Variants in SLC37A3 observed in about 807,000 individuals in gnomAD.
SLC37A3 encodes the protein sugar phosphate exchanger 3.
In SLC37A3, 51 loss-of-function variants were observed where a neutral mutation model predicts 67.1. The observed-to-expected ratio is 0.76, with a 90% confidence interval of 0.61 to 0.96. The LOEUF (loss-of-function observed/expected upper bound fraction) is 0.96. Among genes scored for constraint, SLC37A3 ranks in the 40% least tolerant of loss-of-function variants. The probability of loss-of-function intolerance (pLI) is 0.00; values close to 1 mark genes in which losing one functional copy is unlikely to be tolerated. For synonymous variants in SLC37A3, 214 were observed against 231.4 expected (o/e 0.92, Z 0.68); for missense variants, 508 against 603.0 (o/e 0.84, Z 1.65).
In SLC37A3 at chr7:140,348,412, G is replaced by A. The variant is rs1309765894; in HGVS notation, c.1024+214C>T. 3 of 473,918 alleles carry A rather than the reference G, an allele frequency of 6.3e-6. No homozygotes were observed. In the East Asian group the frequency reaches 1.2e-4, roughly 19 times the overall value. 29.4% of individuals were successfully genotyped at this position (473,918 alleles called of 1,614,324 possible). A position where few individuals can be genotyped will look rare whatever the true frequency, so the allele number is the denominator to read the frequency against. On this transcript the variant is annotated intron_variant, in intron 10 of 14. Coordinates refer to ENST00000326232, the MANE Select transcript of SLC37A3 (RefSeq NM_207113.3). ...CCAATAAATCACAGCGCTGCCTTAG[G>A]CTAGGTCTTCCTTTCTATGGACCTC...
intron 3 of SLC37A3, among the ~76,000 whole-genome samples, chr7:140,379,020 C>A (rs936453196): frequency 2.0e-5 from 3 of 151,654 alleles, no homozygotes; most frequent in Non-Finnish European, 1.5e-5. Flanking sequence ...CTTCAAGGCA[C>A]GTAAGCAAGA....
rs1235266159 is a variant in SLC37A3 at position 140,380,321 on chromosome 7, G to T, written c.159C>A (p.Thr53=). The stretch of plus-strand genomic sequence containing the variant: ...CAACTGACGTGTTAAAAGCACTTGG[G>T]GTCCACTGCTCAGAGATACTGACTT... ...NVKVSISEQW[T]PSAFNTSVEL... is the part of the protein sequence containing the mutation. The change falls in exon 3 of 15, where the codon ACC becomes ACA. Residue 53 remains threonine (T), a synonymous_variant. Coordinates refer to ENST00000326232, the MANE Select transcript of SLC37A3 (RefSeq NM_207113.3). 1.2e-6 allele frequency: 2 copies of T among 1,613,324 alleles called. No homozygotes were observed. The highest frequency in any genetic ancestry group is 8.5e-7 in the Non-Finnish European group (1 of 1,179,442).
chr7:140,364,721 GA>G (rs926076600), intron 4 of SLC37A3, among the ~76,000 whole-genome samples: 12 of 147,038 alleles, frequency 8.2e-5, no homozygotes, highest in South Asian at 2.3e-4. Flanking sequence ...AAAATAGAAG[GA>G]AAAAAATATT....
At chr7:140,361,115 T>TA (rs1797250624) in intron 5 of SLC37A3, among the ~76,000 whole-genome samples, 1 of 151,636 alleles carries the variant, frequency 6.6e-6, no homozygotes, top group South Asian at 2.1e-4. Context: ...GACTGTGAGT[T>TA]AGACTATGGA....
At position 140,393,341 on chromosome 7, in the gene SLC37A3, G is replaced by A. The variant is rs186097497; in HGVS notation, c.-71+5075C>T. Reference sequence around the variant, plus strand: ...ACCTGCAGAGCTGAACACGTGCGCCGTCCTCACTGACATGAAGGAATCTTT... The same window carrying A: ...ACCTGCAGAGCTGAACACGTGCGCCATCCTCACTGACATGAAGGAATCTTT... On this transcript the variant is annotated intron_variant, in intron 1 of 14. Coordinates refer to ENST00000326232, the MANE Select transcript of SLC37A3 (RefSeq NM_207113.3). 8.6e-4 allele frequency among the ~76,000 whole-genome samples: 131 copies of A among 152,320 alleles called. 1 individual carries two copies. In the East Asian group the frequency reaches 0.015, roughly 18 times the overall value.
chr7:140,360,960 C>T (rs1797243132), intron 5 of SLC37A3, among the ~76,000 whole-genome samples: 1 of 151,916 alleles, frequency 6.6e-6, no homozygotes, highest in Admixed American at 6.6e-5. Flanking sequence ...CACTGCATAC[C>T]CACCCTAAGG....
In SLC37A3 at chr7:140,382,422, T is replaced by C. The variant is rs747464549; in HGVS notation, c.89+16A>G. On this transcript the variant is annotated intron_variant, in intron 2 of 14. Transcript: ENST00000326232. ...AAAGAAAAAAAGCAGGAGAGCAGCT[T>C]TGGCAACATGCTTACCTGAAGAAAG... 1.9e-6 allele frequency: 3 copies of C among 1,611,878 alleles called. No homozygotes were observed. The highest frequency in any genetic ancestry group is 3.3e-4 in the Middle Eastern group (2 of 6,052).
At chr7:140,372,850 G>A (rs1797876738) in intron 3 of SLC37A3, among the ~76,000 whole-genome samples, 1 of 150,916 alleles carries the variant, frequency 6.6e-6, no homozygotes, top group South Asian at 2.1e-4. Flanking sequence ...GTGACAGAGT[G>A]AGACTCTATC....
chr7:140,397,245 G>A (rs1798973506), intron 1 of SLC37A3, among the ~76,000 whole-genome samples: 1 of 147,762 alleles, frequency 6.8e-6, no homozygotes, highest in Non-Finnish European at 1.5e-5. Flanking sequence ...CCAGGCTGGA[G>A]TGCAGTGGTG....
intron 11 of SLC37A3, among the ~76,000 whole-genome samples, chr7:140,345,655 CA>C (rs1378753049): frequency 6.6e-6 from 1 of 152,056 alleles, no homozygotes; most frequent in African/African-American, 2.4e-5. Flanking sequence ...AGCAAATTAA[CA>C]AAGCAAAAGA....
intron 5 of SLC37A3, among the ~76,000 whole-genome samples, chr7:140,358,991 G>C (rs202012945): frequency 1.3e-5 from 2 of 152,158 alleles, no homozygotes; most frequent in East Asian, 3.9e-4. Flanking sequence ...CCACCAGAGA[G>C]GAGGAGATGC....
At chr7:140,392,431 A>C (rs1798757887) in intron 1 of SLC37A3, among the ~76,000 whole-genome samples, 1 of 152,076 alleles carries the variant, frequency 6.6e-6, no homozygotes, top group South Asian at 2.1e-4. Flanking sequence ...CAGATGGATA[A>C]GCTCACTCCC....
rs765307298 is a variant in SLC37A3, at chr7:140,334,609, G to A, written c.*803C>T. The A allele has an allele frequency of 6.6e-6, 1 of 152,590 alleles. No individual in the cohort carries two copies. Among genetic ancestry groups the A allele is most frequent in the South Asian group, 2.1e-4 (1 of 4,820 alleles). 9.5% of individuals were successfully genotyped at this position (152,590 alleles called of 1,614,324 possible). A position where few individuals can be genotyped will look rare whatever the true frequency, so the allele number is the denominator to read the frequency against. ...GTGCTTCGGCTGTGAGTTACACGTC[G>A]GAATGTTCAAGATAAATGATGTACC... On this transcript the variant is annotated 3_prime_UTR_variant, in exon 15 of 15. Coordinates refer to ENST00000326232, the MANE Select transcript of SLC37A3 (RefSeq NM_207113.3).
Position 140,364,505 on chromosome 7 carries a change from AT to A in SLC37A3, c.292-15del, listed in dbSNP as rs531847338. Reference sequence around the variant, plus strand: ...GATGAATAGGCCCTAAAAATAAAGCATTTTCTTTTACAGCTCTAAATAATAA... The same window carrying A: ...GATGAATAGGCCCTAAAAATAAAGCATTTCTTTTACAGCTCTAAATAATAA... On this transcript the variant is annotated splice_polypyrimidine_tract_variant and intron_variant, in intron 4 of 14. Transcript: ENST00000326232. 2 of 1,611,688 alleles carry A rather than the reference AT, an allele frequency of 1.2e-6. No individual in the cohort carries two copies. The highest frequency in any genetic ancestry group is 2.7e-5 in the African/African-American group (2 of 74,768).
chr7:140,360,087 C>A (rs1158929302), intron 5 of SLC37A3, among the ~76,000 whole-genome samples: 1 of 152,164 alleles, frequency 6.6e-6, no homozygotes, highest in South Asian at 2.1e-4. Flanking sequence ...GGACTTGTGC[C>A]GGTAATTCCA....
At chr7:140,385,526 A>G (rs1798415482) in intron 1 of SLC37A3, among the ~76,000 whole-genome samples, 2 of 152,206 alleles carry the variant, frequency 1.3e-5, no homozygotes, top group Admixed American at 1.3e-4. Context: ...GGCATGGGAT[A>G]TGAAATTCAA....
intron 13 of SLC37A3, among the ~76,000 whole-genome samples, chr7:140,341,131 C>A (rs1037304083): frequency 2.0e-5 from 3 of 152,232 alleles, no homozygotes; most frequent in Non-Finnish European, 4.4e-5. Flanking sequence ...GAGGGTCTCA[C>A]TATGTTGCTT....
intron 1 of SLC37A3, among the ~76,000 whole-genome samples, chr7:140,388,908 C>T (rs919821407): frequency 5.4e-5 from 8 of 149,148 alleles, no homozygotes; most frequent in African/African-American, 1.9e-4. Context: ...TTTTCTTAGT[C>T]CTAGAAGACT....
At chr7:140,351,526 T>G (rs1292141149) in intron 8 of SLC37A3, 75 bp from the exon 9 acceptor site, 2 of 1,400,302 alleles carry the variant, frequency 1.4e-6, no homozygotes, top group Non-Finnish European at 1.9e-6. Context: ...TCCCTACTTA[T>G]GAGGTGATGT....
Sources: gnomAD v4.1 joint callset for allele counts (sites outside exome capture counted in the v4.1 genomes callset) on GRCh38, gnomAD v4.1.1 for gene constraint, MANE v1.5 for transcripts, NCBI Gene and HGNC (gene_info 2026-07-23, HGNC 2026-07-21) for gene names.